Variants in TAF1 observed in about 807,000 individuals in gnomAD.
The protein encoded by TAF1 is transcription initiation factor TFIID subunit 1.
Under a neutral mutation model 138.5 loss-of-function variants are expected in TAF1, and 2 were observed. The observed-to-expected ratio is 0.01, with a 90% CI of 0.01 to 0.05. The LOEUF (loss-of-function observed/expected upper bound fraction) is 0.05, where lower values mean the gene tolerates loss of function less well. Ranked by LOEUF, TAF1 falls within the 10% of genes least tolerant of loss-of-function variation. TAF1 has a pLI of 1.00. For synonymous variants in TAF1, 437 were observed against 503.2 expected (o/e 0.87, Z 1.76); for missense variants, 709 against 1,478.0 (o/e 0.48, Z 8.53).
chrX:71,453,090 A>AGAGAGGGAGAGGAGGGAGAGG lies in TAF1; in HGVS notation c.4754-1067_4754-1047dup, dbSNP rs2038111698. Among the ~76,000 whole-genome samples the AGAGAGGGAGAGGAGGGAGAGG allele has an allele frequency of 8.2e-5, 9 of 109,962 alleles. No individual in the cohort carries two copies. The South Asian group carries it at 3.2e-3, about 39-fold the overall frequency. On this transcript the variant is annotated intron_variant, in intron 32 of 37. Transcript: ENST00000423759. Reference sequence around the variant, plus strand: ...GGGAGACCGTGGGGAGACGGGAGAGAGAGAGGGAGAGGAGGGAGAGGGAGA... The same window carrying AGAGAGGGAGAGGAGGGAGAGG: ...GGGAGACCGTGGGGAGACGGGAGAGAGAGAGGGAGAGGAGGGAGAGGGAGAGGGAGAGGAGGGAGAGGGAGA...
intron 28 of TAF1, among the ~76,000 whole-genome samples, chrX:71,409,185 T>C (rs1294312402): frequency 1.8e-5 from 2 of 110,478 alleles, no homozygotes; most frequent in Non-Finnish European, 3.8e-5. Flanking sequence ...GAGGAAGAAA[T>C]CTGTTTGTCT....
chrX:71,503,677 T>G (rs1311520707), intron 13 of TAF1, among the ~76,000 whole-genome samples: 1 of 110,154 alleles, frequency 9.1e-6, no homozygotes, highest in Non-Finnish European at 1.9e-5. Context: ...GGAGAATGCT[T>G]TGTATATGTG....
intron 32 of TAF1, among the ~76,000 whole-genome samples, chrX:71,442,254 A>G (rs1030287737): frequency 1.8e-5 from 2 of 112,464 alleles, no homozygotes; most frequent in African/African-American, 6.5e-5. Flanking sequence ...GTCTTCCACA[A>G]TGATTGAACT....
At chrX:71,483,949 A>C (rs185615669) in intron 13 of TAF1, among the ~76,000 whole-genome samples, 12 of 110,175 alleles carry the variant, frequency 1.1e-4, no homozygotes, top group African/African-American at 3.6e-4. Flanking sequence ...CATTTTGCAA[A>C]TATCACAACC....
intron 28 of TAF1, among the ~76,000 whole-genome samples, 189 bp downstream of exon 28, chrX:71,408,340 GGGTTGGAGTCTCTGTCATCCA>G: frequency 9.1e-6 from 1 of 110,224 alleles, no homozygotes; most frequent in East Asian, 2.9e-4. Context: ...TTTAAGGAGG[GGGTTGGAGTCTCTGTCATCCA>G]GGCTGGAGTG....
chrX:71,384,961 C>T lies in TAF1; in HGVS notation c.2138C>T (p.Pro713Leu), dbSNP rs1182687764. 1 of 1,208,865 alleles carries T rather than the reference C, an allele frequency of 8.3e-7. No homozygotes were observed. The highest frequency in any genetic ancestry group is 3.0e-5 in the East Asian group (1 of 33,804). ...NYYKRKPGKD[P>L]GAPDCKYGET... ...TCCTTATAGAAACCTGGAAAAGATC[C>T]TGGAGCACCAGATTGTAAATATGGG... The change falls in exon 14 of 38, where the codon CCT (proline) becomes CTT (leucine). Residue 713 changes from proline to leucine, a missense_variant. Transcript: ENST00000423759.
intron 25 of TAF1, among the ~76,000 whole-genome samples, chrX:71,405,743 A>G (rs1177555086): frequency 8.9e-6 from 1 of 112,229 alleles, no homozygotes; most frequent in Non-Finnish European, 1.9e-5. Flanking sequence ...GTGGTGGCTC[A>G]TGCCTATAAT....
At chrX:71,408,945 C>T (rs1183243982) in intron 28 of TAF1, among the ~76,000 whole-genome samples, 1 of 104,865 alleles carries the variant, frequency 9.5e-6, no homozygotes, top group African/African-American at 3.5e-5. Context: ...ACCCAGGAGG[C>T]GGAGCTTGTA....
At chrX:71,481,849 G>A (rs1602810543) in intron 13 of TAF1, among the ~76,000 whole-genome samples, 1 of 112,355 alleles carries the variant, frequency 8.9e-6, no homozygotes, top group East Asian at 2.8e-4. Flanking sequence ...GAGCCACTGC[G>A]CCCGGCCTAT....
chrX:71,486,151 C>G (rs1420940313), intron 13 of TAF1, among the ~76,000 whole-genome samples: 1 of 108,961 alleles, frequency 9.2e-6, no homozygotes, highest in African/African-American at 3.3e-5. Context: ...ACCTTTCGGG[C>G]TCAGGTGATT....
intron 20 of TAF1, 149 bp downstream of exon 20, chrX:71,393,143 C>A: frequency 9.5e-7 from 1 of 1,053,135 alleles, no homozygotes; most frequent in South Asian, 2.3e-5. Context: ...AGTTATCTTT[C>A]TATGTAATCT....
intron 7 of TAF1, among the ~76,000 whole-genome samples, 163 bp from the exon 8 acceptor site, chrX:71,378,661 A>C (rs1365875547): frequency 9.0e-6 from 1 of 111,678 alleles, no homozygotes; most frequent in Non-Finnish European, 1.9e-5. Context: ...ATGCTGTGCC[A>C]GACTAGGAGT....
intron 22 of TAF1, among the ~76,000 whole-genome samples, chrX:71,395,504 CAAAA>C (rs1353957521): frequency 9.1e-6 from 1 of 110,428 alleles, no homozygotes; most frequent in Non-Finnish European, 1.9e-5. Flanking sequence ...GACCCTGTCT[CAAAA>C]GAAGTTAGGA....
intron 3 of TAF1, among the ~76,000 whole-genome samples, chrX:71,374,268 A>G (rs929965281): frequency 1.8e-5 from 2 of 110,220 alleles, no homozygotes; most frequent in African/African-American, 6.6e-5. Context: ...TTTTTGACAG[A>G]GATGGGGTTT....
intron 35 of TAF1, 81 bp from the exon 36 acceptor site, chrX:71,459,471 G>A: frequency 2.6e-6 from 3 of 1,139,219 alleles, no homozygotes; most frequent in Admixed American, 2.7e-5. Context: ...GGGGCGGGGA[G>A]GGGGGGTGTG....
At chrX:71,366,609 G>C (rs1470572055) in intron 1 of TAF1, 115 bp downstream of exon 1, 2 of 785,896 alleles carry the variant, frequency 2.5e-6, no homozygotes, top group South Asian at 2.7e-5. Context: ...AGCTAACGCC[G>C]GGGAGGAGGA....
intron 13 of TAF1, among the ~76,000 whole-genome samples, chrX:71,503,848 G>A (rs2039568015): frequency 9.1e-6 from 1 of 109,774 alleles, no homozygotes; most frequent in South Asian, 3.9e-4. Context: ...CCCATTAAAA[G>A]GACACTTTTT....
Position 71,409,121 on chromosome X carries a change from A to G in TAF1, c.4384+970A>G, listed in dbSNP as rs141667201. Among the ~76,000 whole-genome samples the G allele has an allele frequency of 9.0e-5, 10 of 111,272 alleles. No homozygotes were observed. In the East Asian group the frequency reaches 2.8e-3, roughly 31 times the overall value. On this transcript the variant is annotated intron_variant, in intron 28 of 37. Transcript: ENST00000423759. ...TCTGAATCTTCGATTTGGTCTACAA[A>G]TTTGTTAGAGGTGCTGTTACATGTT...
At chrX:71,430,502 CA>C (rs774901765) in intron 32 of TAF1, among the ~76,000 whole-genome samples, 14 of 110,779 alleles carry the variant, frequency 1.3e-4, no homozygotes, top group Admixed American at 4.8e-4. Context: ...AAAAGATACT[CA>C]AATTGCATTA....
Sources: allele counts gnomAD v4.1 joint callset (sites outside exome capture counted in the v4.1 genomes callset), GRCh38; gene constraint gnomAD v4.1.1; transcripts MANE v1.5; gene names NCBI Gene and HGNC (gene_info 2026-07-23, HGNC 2026-07-21).